Variants in DNAH6 observed in about 807,000 individuals in gnomAD.
DNAH6 encodes the protein axonemal beta dynein heavy chain 6.
In DNAH6, 340 loss-of-function variants were observed where a neutral mutation model predicts 491.4. That is an observed-to-expected ratio of 0.69 (90% confidence interval 0.63 to 0.76). The LOEUF (loss-of-function observed/expected upper bound fraction) is 0.76. Among genes scored for constraint, DNAH6 ranks in the 30% least tolerant of loss-of-function variants. The pLI is 0.00. For missense variants in DNAH6, 4,443 were observed against 4,972.2 expected, an observed-to-expected ratio of 0.89 and a Z score of 3.20; for synonymous variants, 1,603 against 1,686.1, an observed-to-expected ratio of 0.95 and a Z score of 1.21.
intron 72 of DNAH6, among the ~76,000 whole-genome samples, chr2:84,809,561 C>T (rs892125191): frequency 6.6e-6 from 1 of 152,144 alleles, no homozygotes; most frequent in Non-Finnish European, 1.5e-5. Context: ...TTATTTCCTT[C>T]TATATTGAAT....
chr2:84,817,635 T>C (rs1179711273), intron 76 of DNAH6, among the ~76,000 whole-genome samples: 1 of 152,066 alleles, frequency 6.6e-6, no homozygotes, highest in Non-Finnish European at 1.5e-5. Context: ...TGTCTTTGTT[T>C]GTGTTTGTGT....
chr2:84,610,121 A>G (rs1686183067), intron 21 of DNAH6, among the ~76,000 whole-genome samples: 1 of 152,032 alleles, frequency 6.6e-6, no homozygotes, highest in Non-Finnish European at 1.5e-5. Context: ...GTTGGCAGAA[A>G]TTATTTTCTT....
chr2:84,544,825 G>A (rs971807301), intron 5 of DNAH6, among the ~76,000 whole-genome samples: 3 of 152,060 alleles, frequency 2.0e-5, no homozygotes, highest in South Asian at 2.1e-4. Flanking sequence ...GAGTAGGCTG[G>A]TAGCCTCTAT....
chr2:84,523,665 T>C (rs1447728985), intron 2 of DNAH6, among the ~76,000 whole-genome samples: 1 of 152,164 alleles, frequency 6.6e-6, no homozygotes, highest in African/African-American at 2.4e-5. Context: ...TTTGTTCTTA[T>C]TAGTTTCAAA....
intron 59 of DNAH6, among the ~76,000 whole-genome samples, 157 bp downstream of exon 59, chr2:84,718,541 C>A (rs1034370981): frequency 2.6e-5 from 4 of 152,176 alleles, no homozygotes; most frequent in Non-Finnish European, 5.9e-5. Flanking sequence ...GGGCTCCTTG[C>A]CAACCAAAGA....
chr2:84,644,954 C>G (rs1689758678), intron 33 of DNAH6, among the ~76,000 whole-genome samples: 1 of 152,124 alleles, frequency 6.6e-6, no homozygotes, highest in South Asian at 2.1e-4. Context: ...TAAGTATATA[C>G]CCAGTAATGG....
rs1376481388 is a variant in DNAH6, at chr2:84,787,093, A to C, written c.11101-71A>C. The C allele has an allele frequency of 5.8e-6, 7 of 1,204,516 alleles. No homozygotes were observed. In the East Asian group the frequency reaches 1.6e-4, roughly 28 times the overall value. The allele number at this position is 1,204,516 out of a possible 1,614,324, so 74.6% of individuals were successfully genotyped here. A position where few individuals can be genotyped will look rare whatever the true frequency, so the allele number is the denominator to read the frequency against. ...CCATTTTCAATGGAAATTTCTTTTT[A>C]GTTTCCAGTATTTTACACAAAATTA... On this transcript the variant is annotated intron_variant, in intron 67 of 76. Coordinates refer to ENST00000389394, the MANE Select transcript of DNAH6 (RefSeq NM_001370.2).
In DNAH6 at chr2:84,653,407, A is replaced by G. The variant is rs1430981381; in HGVS notation, c.5167A>G (p.Arg1723Gly). ...ATCAACAATTGTGGATGTCATGAAT[A>G]GACAAAATCTTCAGCCTGAGATGTG... ...LQSTIVDVMN[R>G]QNLQPEMCMV... is the part of the protein sequence containing the mutation. Residue 1723 changes from arginine to glycine, a missense_variant, in exon 34 of 77, where the codon AGA becomes GGA. Physicochemically the swap from Arg to Gly is moderately radical, Grantham distance 125. Transcript: ENST00000389394. The G allele has an allele frequency of 3.9e-6, 6 of 1,551,026 alleles. No individual in the cohort carries two copies. The highest frequency in any genetic ancestry group is 5.2e-6 in the Non-Finnish European group (6 of 1,146,612).
At chr2:84,604,265 A>G (rs1314320288) in intron 18 of DNAH6, 74 bp from the exon 19 acceptor site, 1 of 1,235,620 alleles carries the variant, frequency 8.1e-7, no homozygotes, top group African/African-American at 1.5e-5. Context: ...TACATGCACA[A>G]ATTGAAACCA....
intron 67 of DNAH6, 143 bp from the exon 68 acceptor site, chr2:84,787,021 C>A (rs1677267103): frequency 1.8e-6 from 1 of 562,110 alleles, no homozygotes; most frequent in Non-Finnish European, 3.0e-6. Context: ...GAAAGCCTAG[C>A]TGAAGTTGAG....
At position 84,634,535 on chromosome 2, in the gene DNAH6, A is replaced by C. The variant is rs996768327; in HGVS notation, c.4547A>C (p.Gln1516Pro). ...GGGCGCTTCTTCAGTGGCTTGGCACAGTCAGGGGCCTGGTGCTGCTTTGAT... is the reference window on the plus strand; with the variant it reads ...GGGCGCTTCTTCAGTGGCTTGGCACCGTCAGGGGCCTGGTGCTGCTTTGAT... ...MMGRFFSGLA[Q>P]SGAWCCFDEF... The change falls in exon 30 of 77, where the codon CAG becomes CCG. Residue 1516 changes from glutamine to proline, a missense_variant. Gln to Pro is a moderately conservative substitution (Grantham distance 76). Around this residue, in one of 3 missense-constraint regions of DNAH6, gnomAD observed 2,977 missense variants for 3,296.6 expected, o/e 0.90. Coordinates refer to ENST00000389394, the MANE Select transcript of DNAH6 (RefSeq NM_001370.2). The C allele has an allele frequency of 2.6e-6, 4 of 1,547,090 alleles. No homozygotes were observed. Among genetic ancestry groups the C allele is most frequent in the Non-Finnish European group, 3.5e-6 (4 of 1,145,520 alleles).
At chr2:84,630,337 A>G (rs1688287069) in intron 29 of DNAH6, among the ~76,000 whole-genome samples, 1 of 152,214 alleles carries the variant, frequency 6.6e-6, no homozygotes, top group Non-Finnish European at 1.5e-5. Flanking sequence ...TGACAATCAA[A>G]AAATACATAT....
intron 54 of DNAH6, among the ~76,000 whole-genome samples, chr2:84,708,777 C>T (rs947710866): frequency 6.6e-6 from 1 of 152,270 alleles, no homozygotes; most frequent in East Asian, 1.9e-4. Context: ...AATGTTTACC[C>T]TTGTCCTTCA....
At chr2:84,659,274 AC>A (rs2104593280) in intron 37 of DNAH6, 105 bp downstream of exon 37, 1 of 610,940 alleles carries the variant, frequency 1.6e-6, no homozygotes, top group African/African-American at 1.9e-5. Flanking sequence ...TAACTTATAC[AC>A]TAAACTGGTT....
chr2:84,548,799 G>GCCAAGT (rs1679048638), intron 8 of DNAH6, among the ~76,000 whole-genome samples: 1 of 152,182 alleles, frequency 6.6e-6, no homozygotes, highest in Non-Finnish European at 1.5e-5. Context: ...TGAGGCCAAG[G>GCCAAGT]CCAAGAGCTC....
intron 4 of DNAH6, among the ~76,000 whole-genome samples, chr2:84,543,117 C>T (rs989021588): frequency 2.6e-5 from 4 of 152,224 alleles, no homozygotes; most frequent in Admixed American, 1.3e-4. Flanking sequence ...CAAGTTTGCA[C>T]GGCTGCATTC....
At chr2:84,604,163 T>C (rs1420948960) in intron 18 of DNAH6, among the ~76,000 whole-genome samples, 176 bp from the exon 19 acceptor site, 1 of 152,176 alleles carries the variant, frequency 6.6e-6, no homozygotes, top group African/African-American at 2.4e-5. Context: ...GCAAACTTGG[T>C]TTTCTAATAG....
At chr2:84,682,480 T>A (rs918921827) in intron 42 of DNAH6, among the ~76,000 whole-genome samples, 72 of 152,214 alleles carry the variant, frequency 4.7e-4, no homozygotes, top group African/African-American at 1.5e-3. Context: ...GAGATGGCAC[T>A]GGAGTGCCTG....
At chr2:84,712,380 C>A (rs914452555) in intron 56 of DNAH6, among the ~76,000 whole-genome samples, 9 of 152,296 alleles carry the variant, frequency 5.9e-5, no homozygotes, top group African/African-American at 2.2e-4. Context: ...CATGGGACCC[C>A]CATCACATAC....
Sources: gnomAD v4.1 joint callset for allele counts (sites outside exome capture counted in the v4.1 genomes callset) on GRCh38, gnomAD v4.1.1 for gene constraint, gnomAD v4.1.1 regional missense constraint, MANE v1.5 for transcripts, NCBI Gene and HGNC (gene_info 2026-07-23, HGNC 2026-07-21) for gene names.